The following MIA2 variants were observed in gnomAD, a reference collection of about 807,000 sequenced individuals.
MIA2 encodes the protein melanoma inhibitory activity protein 2.
A neutral mutation model predicts 167.8 loss-of-function variants in MIA2; 127 were observed. The ratio of observed to expected loss-of-function variants is 0.76; its 90% CI spans 0.66 to 0.88. MIA2 has a LOEUF of 0.88. Ranked by LOEUF, MIA2 falls within the 40% of genes least tolerant of loss-of-function variation. MIA2 has a pLI of 0.00. For synonymous variants in MIA2, 552 were observed against 541.9 expected (o/e 1.02, Z -0.26); for missense variants, 1,690 against 1,624.7 (o/e 1.04, Z -0.69).
chr14:39,276,772 A>G, intron 6 of MIA2, 162 bp from the exon 7 acceptor site: 5 of 644,458 alleles, frequency 7.8e-6, no homozygotes, highest in Non-Finnish European at 1.3e-5. Context: ...TTACTTGGCG[A>G]TAGTGATTGA....
At chr14:39,333,549 T>G (rs959352815) in intron 25 of MIA2, among the ~76,000 whole-genome samples, 1 of 152,166 alleles carries the variant, frequency 6.6e-6, no homozygotes, top group African/African-American at 2.4e-5. Context: ...GTACTTGTTC[T>G]TCAGGCAAGA....
intron 1 of MIA2, 65 bp downstream of exon 1, chr14:39,234,294 T>C (rs7143646): frequency 0.25 from 253,387 of 1,022,086 alleles, 33,516 homozygotes; most frequent in East Asian, 0.48. Flanking sequence ...TAAAATCTTA[T>C]TGTGGTCACG....
intron 24 of MIA2, among the ~76,000 whole-genome samples, chr14:39,322,707 G>A (rs1386364190): frequency 6.6e-5 from 10 of 152,042 alleles, no homozygotes; most frequent in Admixed American, 4.6e-4. Context: ...CTGTGTACCT[G>A]GAGTTTTCCT....
chr14:39,277,096 T>C (rs750592264), intron 7 of MIA2, 31 bp downstream of exon 7: 16 of 1,591,066 alleles, frequency 1.0e-5, no homozygotes, highest in Non-Finnish European at 1.4e-5. Context: ...TAAGAGAATG[T>C]TCATTTTGTC....
chr14:39,300,159 C>G (rs900132147), intron 14 of MIA2, among the ~76,000 whole-genome samples, 173 bp downstream of exon 14: 11 of 152,170 alleles, frequency 7.2e-5, no homozygotes, highest in African/African-American at 2.7e-4. Context: ...TGTACATACA[C>G]ATACACACAC....
rs2064717366 is a variant in MIA2, at chr14:39,313,414, A to G, written c.3092A>G (p.His1031Arg). Residue 1031 changes from histidine (H) to arginine (R), a missense_variant, in exon 19 of 29, where the codon CAT becomes CGT. Coordinates refer to ENST00000640607, the MANE Select transcript of MIA2 (RefSeq NM_001329214.4). The stretch of plus-strand genomic sequence containing the variant: ...TCTAAAGTAGATGAAAAGATCAGCC[A>G]TGCCACTGAAGAGCTGGAGACCTAT... ...KLSKVDEKIS[H>R]ATEELETYRK... The G allele has an allele frequency of 5.6e-6, 9 of 1,604,428 alleles. No individual in the cohort carries two copies. The highest frequency in any genetic ancestry group is 1.3e-5 in the African/African-American group (1 of 74,642).
At position 39,311,466 on chromosome 14, in the gene MIA2, C is replaced by CTTTTTTTTTTTTTTTTT. The variant is rs35478238; in HGVS notation, c.3018-1864_3018-1848dup. The stretch of plus-strand genomic sequence containing the variant: ...TAGGACCTAGAAGCTTGATGTGTTG[C>CTTTTTTTTTTTTTTTTT]TTTTTTTTTTTTTTTTTTTTTTTTT... On this transcript the variant is annotated intron_variant, in intron 18 of 28. Coordinates refer to ENST00000640607, the MANE Select transcript of MIA2 (RefSeq NM_001329214.4). Among the ~76,000 whole-genome samples, 7 of 43,322 alleles carry CTTTTTTTTTTTTTTTTT rather than the reference C, an allele frequency of 1.6e-4. 1 individual carries two copies. Among genetic ancestry groups the CTTTTTTTTTTTTTTTTT allele is most frequent in the African/African-American group, 3.7e-4 (4 of 10,774 alleles). The allele number at this position is 43,322 out of a possible 152,430, so 28.4% of individuals were successfully genotyped here.
chr14:39,321,008 G>C lies in MIA2; in HGVS notation c.3448G>C (p.Glu1150Gln), dbSNP rs747651831. 6.2e-7 allele frequency: 1 copy of C among 1,613,794 alleles called. No homozygotes were observed. Residue 1150 changes from glutamate (E) to glutamine (Q), a missense_variant, in exon 24 of 29, where the codon GAG becomes CAG. Glu to Gln is a conservative substitution (Grantham distance 29). Coordinates refer to ENST00000640607, the MANE Select transcript of MIA2 (RefSeq NM_001329214.4). ...RAFLSPPTLL[E>Q]GPLRLSPLLP... ...TTTTCTCTCTCCTCCAACTTTGTTGGAGGGTCCACTCAGACTCTCACCTTT... is the reference window on the plus strand; with the variant it reads ...TTTTCTCTCTCCTCCAACTTTGTTGCAGGGTCCACTCAGACTCTCACCTTT...
chr14:39,299,763 A>G, intron 13 of MIA2, 101 bp from the exon 14 acceptor site: 1 of 1,238,652 alleles, frequency 8.1e-7, no homozygotes. Flanking sequence ...TGAAAATAGG[A>G]GCCATGTTTT....
intron 1 of MIA2, among the ~76,000 whole-genome samples, chr14:39,235,860 T>C (rs1316554278): frequency 2.0e-5 from 3 of 152,144 alleles, no homozygotes; most frequent in Non-Finnish European, 2.9e-5. Context: ...GGGCCAGATA[T>C]AGAACATGAA....
intron 14 of MIA2, among the ~76,000 whole-genome samples, chr14:39,301,665 T>C (rs892262172): frequency 6.6e-6 from 1 of 152,254 alleles, no homozygotes; most frequent in Non-Finnish European, 1.5e-5. Context: ...AAACCTCTAA[T>C]GTTCCATTCA....
At chr14:39,371,178 A>T (rs1341967405) in intron 23 of MIA2, among the ~76,000 whole-genome samples, 8 of 152,088 alleles carry the variant, frequency 5.3e-5, no homozygotes, top group Non-Finnish European at 1.2e-4. Context: ...CGCTGTTTTC[A>T]TTTTTTAAAA....
intron 23 of MIA2, among the ~76,000 whole-genome samples, chr14:39,364,418 T>C (rs1277334536): frequency 1.3e-5 from 2 of 150,766 alleles, no homozygotes; most frequent in African/African-American, 4.9e-5. Flanking sequence ...TTCTTTCTAG[T>C]TTATTGTGGT....
intron 25 of MIA2, among the ~76,000 whole-genome samples, chr14:39,333,306 C>T (rs1159663057): frequency 1.3e-5 from 2 of 152,162 alleles, no homozygotes; most frequent in African/African-American, 2.4e-5. Flanking sequence ...AGACCATTAA[C>T]TTGGATGGGC....
rs1002253539 is a variant in MIA2, at chr14:39,386,129, A to T, written c.2249-756A>T. On this transcript the variant is annotated intron_variant, in intron 23 of 23. Coordinates refer to the MIA2 transcript ENST00000341502. Reference sequence around the variant, plus strand: ...GATGACATCAAGCATTGGTCATCTGACTCTGAACTAGAGTCTGAAATAGGA... The same window carrying T: ...GATGACATCAAGCATTGGTCATCTGTCTCTGAACTAGAGTCTGAAATAGGA... 3.0e-6 allele frequency: 4 copies of T among 1,315,778 alleles called. No individual in the cohort carries two copies. The African/African-American group carries it at 5.8e-5, about 19-fold the overall frequency. The allele number at this position is 1,315,778 out of a possible 1,614,324, so 81.5% of individuals were successfully genotyped here.
At chr14:39,360,564 GAATA>G (rs1466836930) in intron 23 of MIA2, among the ~76,000 whole-genome samples, 7 of 151,618 alleles carry the variant, frequency 4.6e-5, no homozygotes, top group Admixed American at 1.3e-4. Flanking sequence ...TTTGTTGAAT[GAATA>G]GTTTGCATAT....
Position 39,348,993 on chromosome 14 carries a change from C to G in MIA2, c.4072+16C>G. 6.3e-7 allele frequency: 1 copy of G among 1,583,144 alleles called. No homozygotes were observed. Among genetic ancestry groups the G allele is most frequent in the Middle Eastern group, 1.7e-4 (1 of 5,914 alleles). ...CCATTTGCAAGTATGCTTTTTTAAA[C>G]TTTTTTTTTAAAGCTCAATATGTGG... On this transcript the variant is annotated intron_variant, in intron 28 of 28. Transcript: ENST00000640607.
intron 3 of MIA2, among the ~76,000 whole-genome samples, 188 bp downstream of exon 3, chr14:39,240,835 T>C (rs1034823113): frequency 3.9e-5 from 6 of 152,190 alleles, no homozygotes; most frequent in Non-Finnish European, 7.3e-5. Flanking sequence ...TAGGTGACAG[T>C]AAAAGATTTT....
At chr14:39,311,568 C>T (rs1199582848) in intron 18 of MIA2, among the ~76,000 whole-genome samples, 1 of 150,074 alleles carries the variant, frequency 6.7e-6, no homozygotes, top group Non-Finnish European at 1.5e-5. Context: ...AGCTCCGCCT[C>T]CCGGGTTCAC....
Sources: gnomAD v4.1 joint callset for allele counts (sites outside exome capture counted in the v4.1 genomes callset) on GRCh38, gnomAD v4.1.1 for gene constraint, MANE v1.5 for transcripts, NCBI Gene and HGNC (gene_info 2026-07-23, HGNC 2026-07-21) for gene names.